Variants in CAP2 observed in about 807,000 individuals in gnomAD.
The protein encoded by CAP2 is adenylyl cyclase-associated protein 2.
CAP2 carries 24 observed loss-of-function variants against 57.7 expected under a neutral mutation model. The observed-to-expected ratio is 0.42, with a 90% CI of 0.30 to 0.58. CAP2 has a LOEUF of 0.58. Ranked by LOEUF, CAP2 falls within the 20% of genes least tolerant of loss-of-function variation. The probability of loss-of-function intolerance (pLI) is 0.22; values close to 1 mark genes in which losing one functional copy is unlikely to be tolerated. For missense variants in CAP2, 501 were observed against 590.3 expected (o/e 0.85, Z 1.57); for synonymous variants, 194 against 207.2 (o/e 0.94, Z 0.55).
intron 7 of CAP2, among the ~76,000 whole-genome samples, chr6:17,538,380 C>A (rs916204968): frequency 8.6e-5 from 13 of 151,434 alleles, no homozygotes. Context: ...CGCTTGCGCC[C>A]AGGAGTTTGG....
intron 3 of CAP2, among the ~76,000 whole-genome samples, chr6:17,430,746 C>T (rs147391887): frequency 6.6e-6 from 1 of 152,122 alleles, no homozygotes; most frequent in Non-Finnish European, 1.5e-5. Context: ...ACCATGTTGG[C>T]CAGGCTGGTC....
chr6:17,539,003 C>G (rs556549049), intron 7 of CAP2, among the ~76,000 whole-genome samples: 1 of 152,128 alleles, frequency 6.6e-6, no homozygotes, highest in South Asian at 2.1e-4. Context: ...GCTCGTTTGC[C>G]TCTGATTTGG....
chr6:17,422,489 A>G (rs1198314020), intron 2 of CAP2, among the ~76,000 whole-genome samples: 1 of 151,548 alleles, frequency 6.6e-6, no homozygotes, highest in Non-Finnish European at 1.5e-5. Context: ...AGCTGGGACT[A>G]CAGGCGCCCG....
At position 17,421,671 on chromosome 6, in the gene CAP2, T is replaced by C. The variant is rs768457301; in HGVS notation, c.116T>C (p.Ile39Thr). 4.3e-6 allele frequency: 7 copies of C among 1,614,194 alleles called. No homozygotes were observed. The highest frequency in any genetic ancestry group is 1.1e-5 in the South Asian group (1 of 91,080). Residue 39 changes from isoleucine to threonine, a missense_variant, in exon 2 of 13, where the codon ATT becomes ACT. Coordinates refer to ENST00000229922, the MANE Select transcript of CAP2 (RefSeq NM_006366.3). ...PGNCGEVNGV[I>T]AGVAPSVEAF... is the part of the protein sequence containing the mutation. ...AACTGCGGGGAAGTCAATGGTGTCA[T>C]TGCAGGTAGGGTCACAAACTGTTGT...
chr6:17,450,401 C>G (rs926330553), intron 3 of CAP2, among the ~76,000 whole-genome samples: 37 of 152,126 alleles, frequency 2.4e-4, no homozygotes, highest in African/African-American at 6.8e-4. Context: ...TTTAAATTGC[C>G]TCTTTGGGGT....
intron 1 of CAP2, among the ~76,000 whole-genome samples, chr6:17,418,549 CA>C (rs1179564617): frequency 6.6e-6 from 1 of 152,204 alleles, no homozygotes; most frequent in Non-Finnish European, 1.5e-5. Context: ...AAGCCACAGT[CA>C]GAGACGGCAG....
intron 4 of CAP2, among the ~76,000 whole-genome samples, chr6:17,463,696 T>G (rs1264038363): frequency 6.6e-6 from 1 of 152,200 alleles, no homozygotes; most frequent in Non-Finnish European, 1.5e-5. Context: ...AATAAGCTCC[T>G]GCGTGATGCC....
chr6:17,473,025 A>G (rs1171083864), intron 4 of CAP2, among the ~76,000 whole-genome samples: 1 of 148,846 alleles, frequency 6.7e-6, no homozygotes, highest in Non-Finnish European at 1.5e-5. Context: ...TTGGAACATC[A>G]CTCATGGTGA....
chr6:17,465,698 T>A (rs1370006517), intron 4 of CAP2, among the ~76,000 whole-genome samples: 1 of 152,184 alleles, frequency 6.6e-6, no homozygotes, highest in Non-Finnish European at 1.5e-5. Flanking sequence ...TGAAGTTTAT[T>A]GGGGACTTGC....
chr6:17,536,284 C>G, intron 7 of CAP2: 1 of 456,742 alleles, frequency 2.2e-6, no homozygotes, highest in Non-Finnish European at 4.4e-6. Context: ...CAAGGGGCAG[C>G]TCACGGAGAT....
intron 4 of CAP2, among the ~76,000 whole-genome samples, chr6:17,486,992 T>C (rs1217822316): frequency 6.6e-6 from 1 of 152,204 alleles, no homozygotes; most frequent in Non-Finnish European, 1.5e-5. Flanking sequence ...CAGGAGGCAG[T>C]TGCAGTTTTA....
chr6:17,414,840 G>A (rs1421307747), intron 1 of CAP2, among the ~76,000 whole-genome samples: 13 of 152,062 alleles, frequency 8.5e-5, no homozygotes, highest in East Asian at 1.9e-4. Context: ...ACTGTCTTCC[G>A]CAGTGGTTGA....
At chr6:17,552,762 C>G (rs1194355383) in intron 12 of CAP2, among the ~76,000 whole-genome samples, 1 of 152,122 alleles carries the variant, frequency 6.6e-6, no homozygotes, top group Non-Finnish European at 1.5e-5. Flanking sequence ...GCTCCCTCAG[C>G]CTAAGGGGTC....
intron 7 of CAP2, chr6:17,536,465 A>G (rs531394283): frequency 7.4e-5 from 23 of 309,370 alleles, no homozygotes; most frequent in African/African-American, 5.1e-4. Flanking sequence ...ATGGAGTTTC[A>G]ACTGGTCCTG....
At chr6:17,538,744 G>C (rs112518820) in intron 7 of CAP2, among the ~76,000 whole-genome samples, 3 of 152,260 alleles carry the variant, frequency 2.0e-5, no homozygotes, top group African/African-American at 7.2e-5. Context: ...TTTGCAGCAG[G>C]CATATTTGGA....
chr6:17,532,537 G>A (rs1298672115), intron 7 of CAP2, among the ~76,000 whole-genome samples: 2 of 151,128 alleles, frequency 1.3e-5, no homozygotes, highest in African/African-American at 4.8e-5. Context: ...TTTGAGGCCA[G>A]GGGTTTGAGA....
chr6:17,552,808 T>C (rs1003067861), intron 12 of CAP2, among the ~76,000 whole-genome samples: 3 of 152,150 alleles, frequency 2.0e-5, no homozygotes, highest in Non-Finnish European at 4.4e-5. Context: ...AACACACAGG[T>C]TGATCTCCTT....
At chr6:17,478,688 C>T (rs1761216422) in intron 4 of CAP2, among the ~76,000 whole-genome samples, 1 of 152,186 alleles carries the variant, frequency 6.6e-6, no homozygotes, top group South Asian at 2.1e-4. Context: ...CTGTCCTCCT[C>T]TTTACTGCCA....
chr6:17,439,720 T>C (rs2113560843), intron 3 of CAP2, among the ~76,000 whole-genome samples: 2 of 151,694 alleles, frequency 1.3e-5, no homozygotes, highest in Middle Eastern at 6.8e-3. Context: ...ATAGGGTTCA[T>C]GCTCCTATGA....
Sources: allele counts gnomAD v4.1 joint callset (sites outside exome capture counted in the v4.1 genomes callset), GRCh38; gene constraint gnomAD v4.1.1; transcripts MANE v1.5; gene names NCBI Gene and HGNC (gene_info 2026-07-23, HGNC 2026-07-21).